LINGO2: variants seen among roughly 807,000 people sequenced by gnomAD.
LINGO2 encodes the protein leucine-rich repeat and immunoglobulin-like domain-containing nogo receptor-interacting protein 2.
In LINGO2, 14 loss-of-function variants were observed where a neutral mutation model predicts 30.6. The observed-to-expected ratio is 0.46, with a 90% CI of 0.30 to 0.72. The LOEUF (loss-of-function observed/expected upper bound fraction) is 0.72. Among genes scored for constraint, LINGO2 ranks in the 30% least tolerant of loss-of-function variants. The pLI is 0.07. For missense variants in LINGO2, 729 were observed against 751.7 expected, an observed-to-expected ratio of 0.97 and a Z score of 0.35; for synonymous variants, 317 against 288.5, an observed-to-expected ratio of 1.10 and a Z score of -1.00.
chr9:28,362,868 A>C (rs1244574388), intron 3 of LINGO2, among the ~76,000 whole-genome samples: 1 of 152,180 alleles, frequency 6.6e-6, no homozygotes, highest in Non-Finnish European at 1.5e-5. Flanking sequence ...AACAAGACTA[A>C]TTTGGTTCTA....
At position 28,531,048 on chromosome 9, in the gene LINGO2, A is replaced by AGT. The variant is rs1554733107; in HGVS notation, c.-364-55024_-364-55023insAC. Among the ~76,000 whole-genome samples the AGT allele has an allele frequency of 3.4e-3, 497 of 146,448 alleles. 2 individuals are homozygous for AGT. The highest frequency in any genetic ancestry group is 0.011 in the African/African-American group (452 of 40,266). ...TATAAGTATGCCATATATAAAAATA[A>AGT]ATATATATATATATATAATATATAA... On this transcript the variant is annotated intron_variant, in intron 1 of 5. Transcript: ENST00000379992.
chr9:29,010,293 G>A, the LINGO2 span, among the ~76,000 whole-genome samples: 1 of 152,158 alleles, frequency 6.6e-6, no homozygotes. Flanking sequence ...CTGACAAAGG[G>A]CTAATATCCA....
intron 4 of LINGO2, among the ~76,000 whole-genome samples, chr9:28,036,571 A>G (rs1041741312): frequency 6.6e-6 from 1 of 152,224 alleles, no homozygotes; most frequent in Admixed American, 6.5e-5. Flanking sequence ...GGTTTCCATC[A>G]GAAAAGTCCA....
chr9:28,426,940 T>A (rs10117302), intron 2 of LINGO2, among the ~76,000 whole-genome samples: 19,249 of 152,016 alleles, frequency 0.13, 1,402 homozygotes, highest in East Asian at 0.24. Context: ...TTACTGGTAT[T>A]CTTATTTATT....
chr9:28,319,049 T>C (rs910835692), intron 3 of LINGO2, among the ~76,000 whole-genome samples: 1 of 152,174 alleles, frequency 6.6e-6, no homozygotes, highest in Non-Finnish European at 1.5e-5. Context: ...AAACTCTTTA[T>C]AGTCAGTGAC....
intron 1 of LINGO2, among the ~76,000 whole-genome samples, chr9:28,601,082 G>A (rs938179075): frequency 7.2e-5 from 11 of 151,960 alleles, no homozygotes; most frequent in Admixed American, 3.3e-4. Flanking sequence ...AGTTTTCTCC[G>A]TGACACACCT....
the LINGO2 span, among the ~76,000 whole-genome samples, chr9:28,771,268 CT>C: frequency 0.025 from 3,684 of 146,468 alleles, 132 homozygotes; most frequent in African/African-American, 0.079. Context: ...GAACAAAGAG[CT>C]TTTTTTTTTT....
At chr9:28,505,373 T>A (rs549697488) in intron 1 of LINGO2, among the ~76,000 whole-genome samples, 1 of 151,990 alleles carries the variant, frequency 6.6e-6, no homozygotes, top group Admixed American at 6.6e-5. Flanking sequence ...TGGCAACATT[T>A]AAGGGGTTAG....
At chr9:29,210,320 TAC>T in the LINGO2 span, among the ~76,000 whole-genome samples, 1 of 152,210 alleles carries the variant, frequency 6.6e-6, no homozygotes, top group Non-Finnish European at 1.5e-5. Context: ...ATACATCATA[TAC>T]ACAGAGTCTT....
At chr9:28,398,578 G>GT (rs1412538862) in intron 2 of LINGO2, among the ~76,000 whole-genome samples, 2 of 151,976 alleles carry the variant, frequency 1.3e-5, no homozygotes, top group African/African-American at 2.4e-5. Context: ...GAAAAGAGAG[G>GT]TTTTTGAATA....
chr9:28,848,056 T>C, the LINGO2 span, among the ~76,000 whole-genome samples: 2 of 6,124 alleles, frequency 3.3e-4, no homozygotes, highest in African/African-American at 7.2e-4. Flanking sequence ...TATATATATA[T>C]ATATATGTAT....
chr9:28,785,744 G>A, the LINGO2 span, among the ~76,000 whole-genome samples: 2 of 147,310 alleles, frequency 1.4e-5, no homozygotes, highest in East Asian at 4.1e-4. Flanking sequence ...TATTTTCCTG[G>A]AAGAAGAAAA....
At chr9:28,036,872 A>G (rs1823961824) in intron 4 of LINGO2, among the ~76,000 whole-genome samples, 1 of 152,246 alleles carries the variant, frequency 6.6e-6, no homozygotes. Context: ...TATAATGACT[A>G]GCTCAGCCTC....
intron 3 of LINGO2, among the ~76,000 whole-genome samples, chr9:28,312,818 A>C (rs993416863): frequency 9.2e-5 from 14 of 152,182 alleles, no homozygotes; most frequent in Non-Finnish European, 1.9e-4. Flanking sequence ...AACCCAAAGG[A>C]GATTTCACAG....
chr9:28,219,952 A>AATATTAC (rs1211917952), intron 4 of LINGO2, among the ~76,000 whole-genome samples: 4 of 152,264 alleles, frequency 2.6e-5, no homozygotes, highest in African/African-American at 9.6e-5. Flanking sequence ...AATTCCAGAA[A>AATATTAC]ATATTACTTT....
At chr9:28,741,469 A>G in the LINGO2 span, among the ~76,000 whole-genome samples, 3 of 151,896 alleles carry the variant, frequency 2.0e-5, no homozygotes, top group African/African-American at 7.3e-5. Flanking sequence ...AGTTGTTGGC[A>G]TGGTACTGAG....
the LINGO2 span, among the ~76,000 whole-genome samples, chr9:28,741,779 G>A: frequency 1.9e-4 from 29 of 151,568 alleles, no homozygotes; most frequent in African/African-American, 6.6e-4. Flanking sequence ...ATGGGGGTTG[G>A]CCTAGAGTCT....
intron 2 of LINGO2, among the ~76,000 whole-genome samples, chr9:28,455,290 T>G (rs1016407150): frequency 6.6e-6 from 1 of 152,064 alleles, no homozygotes; most frequent in African/African-American, 2.4e-5. Context: ...TACTAGATTA[T>G]TAAAATAGAT....
the LINGO2 span, among the ~76,000 whole-genome samples, chr9:28,872,832 G>T: frequency 6.6e-6 from 1 of 152,040 alleles, no homozygotes; most frequent in African/African-American, 2.4e-5. Context: ...AAACCAGGAA[G>T]ATTTTCCCAA....
Sources: allele counts gnomAD v4.1 joint callset (sites outside exome capture counted in the v4.1 genomes callset), GRCh38; gene constraint gnomAD v4.1.1; transcripts MANE v1.5; gene names NCBI Gene and HGNC (gene_info 2026-07-23, HGNC 2026-07-21).